SASH1: variants seen among roughly 807,000 people sequenced by gnomAD.
The protein encoded by SASH1 is SAM and SH3 domain containing 1, also known as SAM and SH3 domain-containing protein 1.
A neutral mutation model predicts 125.2 loss-of-function variants in SASH1; 44 were observed. The observed-to-expected ratio is 0.35, with a 90% CI of 0.28 to 0.45. The LOEUF (loss-of-function observed/expected upper bound fraction) is 0.45. SASH1 is among the 20% of genes least tolerant of loss of function. The probability of loss-of-function intolerance (pLI) is 1.00; values close to 1 mark genes in which losing one functional copy is unlikely to be tolerated. For missense variants in SASH1, 1,426 were observed against 1,614.5 expected (o/e 0.88, Z 2.00); for synonymous variants, 639 against 649.1 (o/e 0.98, Z 0.24).
chr6:148,267,379 G>GTGTGTGTGTC (rs1778972371), upstream of SASH1, among the ~76,000 whole-genome samples: 1 of 149,008 alleles, frequency 6.7e-6, no homozygotes, highest in South Asian at 2.2e-4. Flanking sequence ...GTGTGTGTGT[G>GTGTGTGTGTC]TGTGTGTGTG....
At chr6:148,310,424 GAAAAA>G (rs5880770) in intron 1 of SASH1, among the ~76,000 whole-genome samples, 1,636 of 141,282 alleles carry the variant, frequency 0.012, 31 homozygotes, top group African/African-American at 0.041. Context: ...ATCCATATGT[GAAAAA>G]AAAAAAAAAA....
chr6:148,466,772 C>T (rs1331009056), intron 4 of SASH1, among the ~76,000 whole-genome samples: 2 of 152,066 alleles, frequency 1.3e-5, no homozygotes, highest in Non-Finnish European at 2.9e-5. Flanking sequence ...GACAGTGTCT[C>T]ACTATGTTGC....
At chr6:148,334,191 G>A (rs1489853463) in intron 1 of SASH1, among the ~76,000 whole-genome samples, 4 of 144,734 alleles carry the variant, frequency 2.8e-5, no homozygotes, top group Non-Finnish European at 4.6e-5. Context: ...TTGGGAGGCC[G>A]AGGCGGGTGG....
At chr6:148,338,849 C>G (rs532680907), upstream of SASH1, among the ~76,000 whole-genome samples, 6 of 151,442 alleles carry the variant, frequency 4.0e-5, no homozygotes, top group Non-Finnish European at 5.9e-5. Context: ...TACTAAAAAT[C>G]CAAAAATTAG....
intron 1 of SASH1, among the ~76,000 whole-genome samples, chr6:148,272,992 G>T (rs1240924866): frequency 6.6e-6 from 1 of 152,040 alleles, no homozygotes; most frequent in Admixed American, 6.6e-5. Flanking sequence ...GAACATGGGG[G>T]CTCATGCCTA....
intron 1 of SASH1, among the ~76,000 whole-genome samples, chr6:148,290,449 A>G (rs1215830164): frequency 6.6e-6 from 1 of 151,772 alleles, no homozygotes; most frequent in African/African-American, 2.4e-5. Flanking sequence ...TATTAAAAAT[A>G]CAAAAAATTA....
chr6:148,446,644 G>T (rs1322275126), intron 4 of SASH1, among the ~76,000 whole-genome samples: 1 of 152,082 alleles, frequency 6.6e-6, no homozygotes, highest in East Asian at 1.9e-4. Context: ...ATCTTCATGG[G>T]GTGGTTTATA....
the SASH1 span, among the ~76,000 whole-genome samples, chr6:148,244,141 C>T: frequency 6.6e-6 from 1 of 152,184 alleles, no homozygotes; most frequent in African/African-American, 2.4e-5. Context: ...GTTCTTTGCT[C>T]TCAACACAGC....
chr6:148,198,489 C>G, the SASH1 span, among the ~76,000 whole-genome samples: 1 of 152,192 alleles, frequency 6.6e-6, no homozygotes, highest in Non-Finnish European at 1.5e-5. Context: ...AGATGATTAA[C>G]TTTTCTAGGC....
At chr6:148,379,981 G>GA (rs1783068861) in intron 1 of SASH1, 2 of 456,116 alleles carry the variant, frequency 4.4e-6, no homozygotes, top group African/African-American at 4.0e-5. Context: ...GCGGAACGTA[G>GA]GTGCCACACA....
chr6:148,417,260 G>A (rs34275062), intron 2 of SASH1, among the ~76,000 whole-genome samples: 7,715 of 152,218 alleles, frequency 0.051, 241 homozygotes, highest in East Asian at 0.077. Context: ...CACTGACTGG[G>A]AGGGCCAGTA....
chr6:148,302,341 A>AAAAAAAAAAAAAAAAAAAT lies in SASH1; in HGVS notation n.74+29964_74+29965insAAAAAAAAAAAAAAAAAAT, dbSNP rs34513109. Among the ~76,000 whole-genome samples the AAAAAAAAAAAAAAAAAAAT allele has an allele frequency of 5.1e-4, 53 of 104,442 alleles. 15 individuals carry two copies. The highest frequency in any genetic ancestry group is 4.3e-3 in the East Asian group (11 of 2,566). 68.5% of individuals were successfully genotyped at this position (104,442 alleles called of 152,430 possible). A position where few individuals can be genotyped will look rare whatever the true frequency, so the allele number is the denominator to read the frequency against. On this transcript the variant is annotated intron_variant and non_coding_transcript_variant, in intron 1 of 3. Transcript: ENST00000367469. ...AAAAAAAAAAAAAAAAAAAAAAAAA[A>AAAAAAAAAAAAAAAAAAAT]CTAGTAATATTATGACCTTGGTTAA...
chr6:148,543,945 G>A lies in SASH1; in HGVS notation c.2475G>A (p.Leu825=). The A allele has an allele frequency of 1.2e-6, 2 of 1,614,180 alleles. No homozygotes were observed. The highest frequency in any genetic ancestry group is 1.7e-6 in the Non-Finnish European group (2 of 1,180,026). Residue 825 remains leucine, a synonymous_variant, in exon 18 of 20, where the codon CTG becomes CTA. Coordinates refer to ENST00000367467, the MANE Select transcript of SASH1 (RefSeq NM_015278.5). ...CCATCTGCCGGAGCTGTGAGACCCT[G>A]GAGGGCCCCCAGACTGTGGACACTT... ...PVSICRSCET[L]EGPQTVDTWP...
intron 2 of SASH1, among the ~76,000 whole-genome samples, chr6:148,417,788 C>T (rs1415267385): frequency 2.0e-5 from 3 of 151,642 alleles, no homozygotes; most frequent in Non-Finnish European, 4.4e-5. Flanking sequence ...TTACACGTAA[C>T]GAAAAAGTGC....
rs776236308 is a variant in SASH1, at chr6:148,544,616, C to T, written c.3146C>T (p.Pro1049Leu). 3.1e-6 allele frequency: 5 copies of T among 1,613,256 alleles called. No individual in the cohort carries two copies. Among genetic ancestry groups the T allele is most frequent in the Non-Finnish European group, 1.7e-6 (2 of 1,179,892 alleles). ...CCCAGGCCTCTCTCAGGGCAGGCGCCTGGCAGCCCACCAAGCACAAGGCCG... is the reference window on the plus strand; with the variant it reads ...CCCAGGCCTCTCTCAGGGCAGGCGCTTGGCAGCCCACCAAGCACAAGGCCG... ...LAPRPLSGQA[P>L]GSPPSTRPPP... Residue 1049 changes from proline to leucine, a missense_variant, in exon 18 of 20, where the codon CCT becomes CTT. Coordinates refer to ENST00000367467, the MANE Select transcript of SASH1 (RefSeq NM_015278.5). The surrounding 1 kb of genome is among the most constrained non-coding windows in gnomAD (Gnocchi z 6.4).
intron 1 of SASH1, among the ~76,000 whole-genome samples, chr6:148,303,955 G>A (rs950286046): frequency 6.6e-6 from 1 of 152,122 alleles, no homozygotes; most frequent in African/African-American, 2.4e-5. Context: ...ATGCTCAGAA[G>A]GCAATGTATG....
At chr6:148,247,208 G>A in the SASH1 span, among the ~76,000 whole-genome samples, 2,428 of 152,264 alleles carry the variant, frequency 0.016, 62 homozygotes, top group African/African-American at 0.055. Flanking sequence ...ACTAGAATGC[G>A]AATTTATTAA....
chr6:148,419,274 A>G (rs989863693), intron 2 of SASH1, among the ~76,000 whole-genome samples: 1 of 152,174 alleles, frequency 6.6e-6, no homozygotes, highest in Admixed American at 6.5e-5. Context: ...TTCTCATTCT[A>G]GCTTGGAGTT....
chr6:148,446,113 T>A (rs1386091366), intron 4 of SASH1, among the ~76,000 whole-genome samples: 1 of 40,400 alleles, frequency 2.5e-5, no homozygotes, highest in Non-Finnish European at 5.1e-5. Context: ...TTTTTTTTTT[T>A]TTTTTTTTTT....
Sources: gnomAD v4.1 joint callset for allele counts (sites outside exome capture counted in the v4.1 genomes callset) on GRCh38, gnomAD v4.1.1 for gene constraint, Gnocchi (gnomAD v3.1) non-coding constraint, MANE v1.5 for transcripts, NCBI Gene and HGNC (gene_info 2026-07-23, HGNC 2026-07-21) for gene names.